The following GALNTL6 variants were observed in gnomAD, a reference collection of about 807,000 sequenced individuals.
GALNTL6 encodes the protein polypeptide N-acetylgalactosaminyltransferase like 6.
GALNTL6 carries 46 observed loss-of-function variants against 73.7 expected under a neutral mutation model. The ratio of observed to expected loss-of-function variants is 0.62; its 90% CI spans 0.49 to 0.80. The LOEUF (loss-of-function observed/expected upper bound fraction) is 0.80, where lower values mean the gene tolerates loss of function less well. Among genes scored for constraint, GALNTL6 ranks in the 30% least tolerant of loss-of-function variants. The probability of loss-of-function intolerance (pLI) is 0.00; values close to 1 mark genes in which losing one functional copy is unlikely to be tolerated. For synonymous variants in GALNTL6, 259 were observed against 263.7 expected (o/e 0.98, Z 0.17); for missense variants, 604 against 755.0 (o/e 0.80, Z 2.34).
intron 8 of GALNTL6, among the ~76,000 whole-genome samples, chr4:172,925,426 T>C (rs558624318): frequency 6.6e-6 from 1 of 152,298 alleles, no homozygotes; most frequent in South Asian, 2.1e-4. Context: ...ATGACTCTCT[T>C]CCTTGGTTTA....
chr4:172,004,949 A>G (rs1740790640), intron 2 of GALNTL6, among the ~76,000 whole-genome samples: 1 of 151,896 alleles, frequency 6.6e-6, no homozygotes, highest in Non-Finnish European at 1.5e-5. Context: ...TGGATAGATT[A>G]TTCACATTTT....
intron 2 of GALNTL6, among the ~76,000 whole-genome samples, chr4:172,074,510 A>C (rs929673219): frequency 1.3e-5 from 2 of 152,000 alleles, no homozygotes; most frequent in African/African-American, 2.4e-5. Context: ...GTCTGTGGGA[A>C]CTTCTTTAAA....
intron 2 of GALNTL6, among the ~76,000 whole-genome samples, chr4:171,851,737 C>G (rs1735528391): frequency 6.6e-6 from 1 of 152,172 alleles, no homozygotes; most frequent in Non-Finnish European, 1.5e-5. Context: ...CAGGCTGACT[C>G]TGAGTTTTAT....
intron 7 of GALNTL6, among the ~76,000 whole-genome samples, chr4:172,859,111 A>C (rs1744265005): frequency 6.6e-6 from 1 of 152,042 alleles, no homozygotes; most frequent in African/African-American, 2.4e-5. Context: ...ACTACAATTT[A>C]TTCATTGCAA....
chr4:172,895,400 A>G (rs989956231), intron 8 of GALNTL6, among the ~76,000 whole-genome samples: 5 of 96,738 alleles, frequency 5.2e-5, no homozygotes, highest in Non-Finnish European at 1.1e-4. Context: ...ATATATATAT[A>G]TATTTTTTTT....
chr4:171,990,601 T>TA (rs1560874878), intron 2 of GALNTL6, among the ~76,000 whole-genome samples: 2 of 152,120 alleles, frequency 1.3e-5, no homozygotes, highest in East Asian at 1.9e-4. Context: ...ACGATAGTAA[T>TA]AAAAAAACAT....
intron 8 of GALNTL6, among the ~76,000 whole-genome samples, chr4:172,909,958 T>C (rs1025529305): frequency 6.6e-6 from 1 of 152,072 alleles, no homozygotes; most frequent in Non-Finnish European, 1.5e-5. Flanking sequence ...TTAAAAATAA[T>C]GTAACTTTAT....
intron 5 of GALNTL6, among the ~76,000 whole-genome samples, chr4:172,651,026 T>G (rs1463166812): frequency 6.6e-6 from 1 of 152,206 alleles, no homozygotes; most frequent in Non-Finnish European, 1.5e-5. Context: ...ATTTACTGTA[T>G]TCATGTTTAA....
chr4:171,901,503 C>T (rs539231513), intron 2 of GALNTL6, among the ~76,000 whole-genome samples: 2 of 152,166 alleles, frequency 1.3e-5, no homozygotes, highest in East Asian at 2.0e-4. Context: ...TTTCTTTCCT[C>T]CTCCCCCACT....
chr4:172,588,793 C>T (rs961122215), intron 5 of GALNTL6, among the ~76,000 whole-genome samples: 6 of 152,224 alleles, frequency 3.9e-5, no homozygotes, highest in South Asian at 2.1e-4. Context: ...ATCGATATGA[C>T]GTGAGCATGC....
chr4:172,192,223 C>G (rs1735610546), intron 2 of GALNTL6, among the ~76,000 whole-genome samples: 1 of 151,888 alleles, frequency 6.6e-6, no homozygotes, highest in Middle Eastern at 3.2e-3. Flanking sequence ...ATCATAACTT[C>G]TTAATGAAGT....
At chr4:172,071,324 C>T (rs149908089) in intron 2 of GALNTL6, among the ~76,000 whole-genome samples, 1,254 of 109,578 alleles carry the variant, frequency 0.011, 407 homozygotes, top group Non-Finnish European at 0.014. Flanking sequence ...CATTGGATAC[C>T]AGCATTTTTC....
At chr4:172,372,790 G>C (rs1300485988) in intron 5 of GALNTL6, among the ~76,000 whole-genome samples, 1 of 152,118 alleles carries the variant, frequency 6.6e-6, no homozygotes, top group Non-Finnish European at 1.5e-5. Flanking sequence ...GAGGGGCCTG[G>C]CTATCTCGCT....
intron 2 of GALNTL6, among the ~76,000 whole-genome samples, chr4:172,227,636 T>A (rs1736914197): frequency 1.3e-5 from 2 of 152,172 alleles, no homozygotes; most frequent in South Asian, 4.1e-4. Context: ...AATACTTCCT[T>A]CCCAGCAGTT....
chr4:172,293,469 ATAT>A (rs1022744434), intron 3 of GALNTL6, among the ~76,000 whole-genome samples: 3 of 152,066 alleles, frequency 2.0e-5, no homozygotes, highest in Non-Finnish European at 4.4e-5. Flanking sequence ...TGAGAGAAGG[ATAT>A]TATTATTATT....
intron 2 of GALNTL6, among the ~76,000 whole-genome samples, chr4:171,945,678 T>C (rs911844647): frequency 1.3e-5 from 2 of 152,112 alleles, no homozygotes; most frequent in South Asian, 4.1e-4. Context: ...GTAAGATTTG[T>C]TCTTAGGTTT....
chr4:172,022,395 C>T (rs192120732), intron 2 of GALNTL6, among the ~76,000 whole-genome samples: 120 of 152,102 alleles, frequency 7.9e-4, no homozygotes, highest in Admixed American at 1.8e-3. Context: ...TTCTCATTTT[C>T]AGTAAATAAT....
At chr4:171,833,258 A>AT (rs147977099) in intron 2 of GALNTL6, among the ~76,000 whole-genome samples, 1,823 of 151,790 alleles carry the variant, frequency 0.012, 35 homozygotes, top group African/African-American at 0.041. Flanking sequence ...GGTGTTTAAT[A>AT]TTTTTTATGA....
At chr4:172,287,882 T>C (rs928548881) in intron 3 of GALNTL6, among the ~76,000 whole-genome samples, 10 of 152,144 alleles carry the variant, frequency 6.6e-5, no homozygotes, top group African/African-American at 9.7e-5. Context: ...TTCAGGAACC[T>C]TGGGGAATGA....
Sources: gnomAD v4.1 joint callset for allele counts (sites outside exome capture counted in the v4.1 genomes callset) on GRCh38, gnomAD v4.1.1 for gene constraint, MANE v1.5 for transcripts, NCBI Gene and HGNC (gene_info 2026-07-23, HGNC 2026-07-21) for gene names.